Variants in EPHA7 observed in about 807,000 individuals in gnomAD.
The protein encoded by EPHA7 is EPH receptor A7.
Under a neutral mutation model 112.6 loss-of-function variants are expected in EPHA7, and 25 were observed. That is an observed-to-expected ratio of 0.22 (90% confidence interval 0.16 to 0.31). The LOEUF is 0.31. Among genes scored for constraint, EPHA7 ranks in the 10% least tolerant of loss-of-function variants. The pLI, the probability that EPHA7 is intolerant of heterozygous loss-of-function variation, is 1.00. For missense variants in EPHA7, 962 were observed against 1,212.6 expected, an observed-to-expected ratio of 0.79 and a Z score of 3.07; for synonymous variants, 437 against 406.5, an observed-to-expected ratio of 1.07 and a Z score of -0.90.
intron 1 of EPHA7, among the ~76,000 whole-genome samples, chr6:93,418,864 A>T (rs1336304371): frequency 6.6e-6 from 1 of 152,168 alleles, no homozygotes; most frequent in East Asian, 1.9e-4. Flanking sequence ...GCTCCCACAG[A>T]AGGCGAATAA....
intron 13 of EPHA7, 148 bp downstream of exon 13, chr6:93,255,680 C>A (rs1770410661): frequency 1.8e-6 from 1 of 547,672 alleles, no homozygotes; most frequent in Non-Finnish European, 3.0e-6. Context: ...TCCAGAAAAA[C>A]AAAAAACAAA....
intron 3 of EPHA7, among the ~76,000 whole-genome samples, chr6:93,365,278 T>C (rs375450994): frequency 1.3e-4 from 20 of 152,360 alleles, no homozygotes; most frequent in East Asian, 7.7e-4. Context: ...TGTTCTGTAA[T>C]TGAAACTTTC....
intron 3 of EPHA7, among the ~76,000 whole-genome samples, chr6:93,386,825 A>G (rs1777631282): frequency 6.6e-6 from 1 of 152,108 alleles, no homozygotes; most frequent in South Asian, 2.1e-4. Context: ...TGCATCCTCC[A>G]AAGCTATGGT....
At chr6:93,367,287 T>G (rs1172880965) in intron 3 of EPHA7, among the ~76,000 whole-genome samples, 1 of 152,170 alleles carries the variant, frequency 6.6e-6, no homozygotes, top group Non-Finnish European at 1.5e-5. Flanking sequence ...TTCAATAGCA[T>G]TTATGCCACT....
At chr6:93,272,595 G>C (rs866536762) in intron 5 of EPHA7, among the ~76,000 whole-genome samples, 173 bp from the exon 6 acceptor site, 1 of 151,978 alleles carries the variant, frequency 6.6e-6, no homozygotes, top group South Asian at 2.1e-4. Flanking sequence ...CCTTATTACT[G>C]TTCATAAACC....
At chr6:93,270,900 A>G (rs1389378048) in intron 6 of EPHA7, among the ~76,000 whole-genome samples, 1 of 151,844 alleles carries the variant, frequency 6.6e-6, no homozygotes, top group Non-Finnish European at 1.5e-5. Flanking sequence ...GTTGCCTAAT[A>G]TGCAAATTTA....
At chr6:93,260,534 T>C in intron 9 of EPHA7, 1 of 959,680 alleles carries the variant, frequency 1.0e-6, no homozygotes, top group Non-Finnish European at 1.2e-6. Flanking sequence ...TCATCAAATC[T>C]TACTATTTGG....
chr6:93,266,806 G>A (rs1770962459), intron 7 of EPHA7, among the ~76,000 whole-genome samples: 1 of 151,604 alleles, frequency 6.6e-6, no homozygotes, highest in African/African-American at 2.4e-5. Context: ...CTGTGTACCT[G>A]TCCCTGTCTT....
chr6:93,390,543 C>A (rs1777851745), intron 3 of EPHA7, among the ~76,000 whole-genome samples: 1 of 148,482 alleles, frequency 6.7e-6, no homozygotes. Context: ...ATGCCTGTAA[C>A]TTACTTTCAA....
intron 15 of EPHA7, 117 bp downstream of exon 15, chr6:93,246,675 A>G (rs1262303417): frequency 2.6e-6 from 2 of 775,720 alleles, no homozygotes; most frequent in South Asian, 2.7e-5. Flanking sequence ...TACATTTAAT[A>G]TGAGTTTATA....
At chr6:93,335,301 A>AT (rs1774810643) in intron 5 of EPHA7, among the ~76,000 whole-genome samples, 1 of 152,036 alleles carries the variant, frequency 6.6e-6, no homozygotes, top group Non-Finnish European at 1.5e-5. Context: ...ACAAAATGAG[A>AT]TTTTTCATCT....
At chr6:93,302,264 C>T (rs139927462) in intron 5 of EPHA7, among the ~76,000 whole-genome samples, 5 of 152,240 alleles carry the variant, frequency 3.3e-5, no homozygotes, top group African/African-American at 1.2e-4. Flanking sequence ...TAGTCCCTAG[C>T]TCACTGACAT....
At chr6:93,260,567 A>G in intron 9 of EPHA7, 1 of 957,824 alleles carries the variant, frequency 1.0e-6, no homozygotes, top group Non-Finnish European at 1.2e-6. Flanking sequence ...TTCTTTATAT[A>G]TTACACTGCA....
chr6:93,296,200 C>T (rs965519616), intron 5 of EPHA7, among the ~76,000 whole-genome samples: 15 of 150,258 alleles, frequency 1.0e-4, no homozygotes, highest in African/African-American at 2.2e-4. Context: ...GAACACAGAT[C>T]GCTGCAGCCA....
At position 93,243,264 on chromosome 6, in the gene EPHA7, G is replaced by A; in HGVS notation, c.*162C>T. On this transcript the variant is annotated 3_prime_UTR_variant, in exon 17 of 17. Transcript: ENST00000369303. Reference sequence around the variant, plus strand: ...AAATTCCCTTTTTATATATTCTGGTGGCACTTAGGAGTTCAAGTCTATAGG... The same window carrying A: ...AAATTCCCTTTTTATATATTCTGGTAGCACTTAGGAGTTCAAGTCTATAGG... The A allele has an allele frequency of 2.1e-6, 1 of 470,798 alleles. No homozygotes were observed. The highest frequency in any genetic ancestry group is 5.0e-5 in the South Asian group (1 of 20,046). 29.2% of individuals were successfully genotyped at this position (470,798 alleles called of 1,614,324 possible).
chr6:93,406,969 A>C (rs1056688800), intron 3 of EPHA7, among the ~76,000 whole-genome samples: 3 of 150,654 alleles, frequency 2.0e-5, no homozygotes, highest in Admixed American at 1.3e-4. Context: ...AAATGACAAT[A>C]AAAGTATACT....
chr6:93,291,111 G>A (rs767361), intron 5 of EPHA7, among the ~76,000 whole-genome samples: 67,334 of 151,864 alleles, frequency 0.44, 15,840 homozygotes, highest in South Asian at 0.7. Context: ...TCAGTAGTGC[G>A]TGTCTCTGAA....
chr6:93,265,517 T>C (rs899222226), intron 7 of EPHA7, among the ~76,000 whole-genome samples: 1 of 151,720 alleles, frequency 6.6e-6, no homozygotes, highest in African/African-American at 2.4e-5. Context: ...TTTTTGCACT[T>C]ATCACTTCCA....
chr6:93,259,454 G>A lies in EPHA7; in HGVS notation c.1824C>T (p.Tyr608=). ...GGTCCTCATAGGTTTCAGGGTCAAT[G>A]TAGGTTTTGGTGCCTGGAAATTTAA... is the stretch of plus-strand genomic sequence containing the variant. The part of the protein sequence containing the change: ...FHFKFPGTKT[Y]IDPETYEDPN... The change falls in exon 10 of 17, where the codon TAC becomes TAT. Residue 608 remains tyrosine (Y), a synonymous_variant. Coordinates refer to ENST00000369303, the MANE Select transcript of EPHA7 (RefSeq NM_004440.4). 2 of 1,611,726 alleles carry A rather than the reference G, an allele frequency of 1.2e-6. No homozygotes were observed. The highest frequency in any genetic ancestry group is 2.2e-5 in the South Asian group (2 of 91,050).
Sources: gnomAD v4.1 joint callset for allele counts (sites outside exome capture counted in the v4.1 genomes callset) on GRCh38, gnomAD v4.1.1 for gene constraint, MANE v1.5 for transcripts, NCBI Gene and HGNC (gene_info 2026-07-23, HGNC 2026-07-21) for gene names.